Variants in GRIK2 observed in about 807,000 individuals in gnomAD.
GRIK2 encodes glutamate ionotropic receptor kainate type subunit 2.
A neutral mutation model predicts 100.3 loss-of-function variants in GRIK2; 32 were observed. That is an observed-to-expected ratio of 0.32 (90% CI 0.24 to 0.43). GRIK2 has a LOEUF of 0.43. Among genes scored for constraint, GRIK2 ranks in the 20% least tolerant of loss-of-function variants. The pLI is 1.00. For missense variants in GRIK2, 843 were observed against 1,114.9 expected, an observed-to-expected ratio of 0.76 and a Z score of 3.47; for synonymous variants, 417 against 389.4, an observed-to-expected ratio of 1.07 and a Z score of -0.83.
chr6:101,891,997 G>A (rs567664128), intron 12 of GRIK2, among the ~76,000 whole-genome samples: 1 of 152,058 alleles, frequency 6.6e-6, no homozygotes, highest in African/African-American at 2.4e-5. Context: ...CCAGCCCACA[G>A]GTCAAACAGA....
At chr6:101,595,323 G>A (rs1156528309) in intron 2 of GRIK2, among the ~76,000 whole-genome samples, 1 of 151,480 alleles carries the variant, frequency 6.6e-6, no homozygotes, top group African/African-American at 2.4e-5. Context: ...AGTATTTGGG[G>A]GTATATGGTT....
At chr6:101,873,592 A>G (rs966261011) in intron 11 of GRIK2, among the ~76,000 whole-genome samples, 5 of 151,908 alleles carry the variant, frequency 3.3e-5, no homozygotes, top group Non-Finnish European at 7.4e-5. Flanking sequence ...ATGATTTATA[A>G]TCCTTTGGGT....
intron 7 of GRIK2, among the ~76,000 whole-genome samples, chr6:101,690,169 A>G (rs986958876): frequency 2.0e-5 from 3 of 152,148 alleles, no homozygotes; most frequent in Non-Finnish European, 4.4e-5. Context: ...ATACATATGC[A>G]TATTAATACC....
chr6:101,737,811 G>A (rs1775748227), intron 7 of GRIK2, among the ~76,000 whole-genome samples: 1 of 152,030 alleles, frequency 6.6e-6, no homozygotes, highest in Non-Finnish European at 1.5e-5. Flanking sequence ...ATAGGCTTTT[G>A]GTTTTTTTGG....
In GRIK2 at chr6:101,795,930, C is replaced by T. The variant is rs767201968; in HGVS notation, c.952-3718C>T. Among the ~76,000 whole-genome samples, 5 of 152,316 alleles carry T rather than the reference C, an allele frequency of 3.3e-5. No individual in the cohort carries two copies. The East Asian group carries it at 9.6e-4, about 29-fold the overall frequency. ...TGCATTTACCAGTTTTCTATAATCT[C>T]TACCTTTTCTTATTTTGCAGTGCAT... On this transcript the variant is annotated intron_variant, in intron 7 of 16. Transcript: ENST00000369134.
intron 2 of GRIK2, among the ~76,000 whole-genome samples, chr6:101,452,733 T>C (rs535009177): frequency 1.3e-5 from 2 of 151,798 alleles, no homozygotes; most frequent in Non-Finnish European, 2.9e-5. Flanking sequence ...TATCTCAATG[T>C]GTTTATTGCT....
chr6:101,629,422 G>A (rs1222836361), intron 4 of GRIK2, among the ~76,000 whole-genome samples: 1 of 152,060 alleles, frequency 6.6e-6, no homozygotes, highest in African/African-American at 2.4e-5. Flanking sequence ...AGAGTTAAAT[G>A]CCACGAAAGG....
intron 12 of GRIK2, among the ~76,000 whole-genome samples, chr6:101,906,366 CTGTG>C (rs141112872): frequency 1.4e-5 from 2 of 145,836 alleles, no homozygotes; most frequent in Non-Finnish European, 3.0e-5. Context: ...AAAACAAGAT[CTGTG>C]TGTGTGTGTG....
At chr6:101,982,366 C>G (rs1464893990) in intron 14 of GRIK2, among the ~76,000 whole-genome samples, 1 of 151,772 alleles carries the variant, frequency 6.6e-6, no homozygotes, top group African/African-American at 2.4e-5. Context: ...TAAGTGACAA[C>G]TCTGTGCTTT....
intron 14 of GRIK2, among the ~76,000 whole-genome samples, chr6:101,945,707 A>G (rs1021413918): frequency 6.6e-6 from 1 of 151,910 alleles, no homozygotes; most frequent in African/African-American, 2.4e-5. Flanking sequence ...GGGATCACAA[A>G]CAAACAAATA....
intron 1 of GRIK2, among the ~76,000 whole-genome samples, chr6:101,396,684 T>C (rs1775023012): frequency 6.6e-6 from 1 of 152,184 alleles, no homozygotes; most frequent in Non-Finnish European, 1.5e-5. Flanking sequence ...TCAAATATCA[T>C]GTTAGTTATT....
At chr6:101,632,345 G>T (rs2128320828) in intron 4 of GRIK2, among the ~76,000 whole-genome samples, 1 of 152,230 alleles carries the variant, frequency 6.6e-6, no homozygotes, top group African/African-American at 2.4e-5. Flanking sequence ...CCCTAAGGCT[G>T]CTCACTGTTT....
intron 7 of GRIK2, chr6:101,744,981 T>A (rs1055934915): frequency 4.6e-5 from 7 of 152,086 alleles, no homozygotes; most frequent in Admixed American, 2.6e-4. Flanking sequence ...AGCTTCCTTG[T>A]AGGTAAGGCA....
At chr6:101,771,844 C>T in intron 7 of GRIK2, among the ~76,000 whole-genome samples, 1 of 151,862 alleles carries the variant, frequency 6.6e-6, no homozygotes. Context: ...TCATCCATGT[C>T]CCTACAAAGG....
chr6:101,435,281 T>A (rs1769648084), intron 2 of GRIK2, among the ~76,000 whole-genome samples: 1 of 152,144 alleles, frequency 6.6e-6, no homozygotes, highest in African/African-American at 2.4e-5. Context: ...TTTCTGCTAT[T>A]CAGAACTGAC....
intron 14 of GRIK2, among the ~76,000 whole-genome samples, chr6:101,966,806 C>T (rs1439953003): frequency 6.6e-6 from 1 of 152,026 alleles, no homozygotes; most frequent in East Asian, 1.9e-4. Flanking sequence ...TGATTTTTAG[C>T]TAAGTCTTAT....
chr6:101,508,207 A>C (rs9399722), intron 2 of GRIK2, among the ~76,000 whole-genome samples: 1 of 151,820 alleles, frequency 6.6e-6, no homozygotes, highest in African/African-American at 2.4e-5. Context: ...AAAGTTTATA[A>C]GAGAAAAATA....
chr6:101,796,677 C>T (rs915701863), intron 7 of GRIK2, among the ~76,000 whole-genome samples: 3 of 151,992 alleles, frequency 2.0e-5, no homozygotes, highest in Admixed American at 6.6e-5. Context: ...GTTTGATCAG[C>T]GACTTTTAGA....
intron 2 of GRIK2, among the ~76,000 whole-genome samples, chr6:101,435,827 T>G (rs556391310): frequency 7.2e-5 from 11 of 152,264 alleles, no homozygotes; most frequent in African/African-American, 2.2e-4. Context: ...TTCTCAAGTT[T>G]AATCATTTTT....
Sources: allele counts gnomAD v4.1 joint callset (sites outside exome capture counted in the v4.1 genomes callset), GRCh38; gene constraint gnomAD v4.1.1; transcripts MANE v1.5; gene names NCBI Gene and HGNC (gene_info 2026-07-23, HGNC 2026-07-21).